Variants in TMEM132B observed in about 807,000 individuals in gnomAD.
TMEM132B encodes transmembrane protein 132B.
In TMEM132B, 18 loss-of-function variants were observed where a neutral mutation model predicts 90.8. The ratio of observed to expected loss-of-function variants is 0.20; its 90% CI spans 0.14 to 0.29. TMEM132B has a LOEUF of 0.29. Among genes scored for constraint, TMEM132B ranks in the 10% least tolerant of loss-of-function variants. TMEM132B has a pLI of 1.00. For missense variants in TMEM132B, 1,096 were observed against 1,326.8 expected (o/e 0.83, Z 2.70); for synonymous variants, 504 against 523.3 (o/e 0.96, Z 0.50).
intron 2 of TMEM132B, among the ~76,000 whole-genome samples, chr12:125,362,443 G>A (rs1368086550): frequency 6.6e-6 from 1 of 152,188 alleles, no homozygotes; most frequent in East Asian, 1.9e-4. Context: ...CCTGGATAAG[G>A]TATATTTCTT....
At chr12:125,216,956 G>C (rs1465244965) in intron 1 of TMEM132B, among the ~76,000 whole-genome samples, 1 of 152,230 alleles carries the variant, frequency 6.6e-6, no homozygotes, top group African/African-American at 2.4e-5. Flanking sequence ...TCACAAGCTG[G>C]AGCCGTCAGG....
chr12:125,474,041 TCC>T, intron 3 of TMEM132B, among the ~76,000 whole-genome samples: 1 of 142,780 alleles, frequency 7.0e-6, no homozygotes, highest in Admixed American at 7.0e-5. Flanking sequence ...CTTCCTTCCT[TCC>T]TTCCTTCTTT....
At chr12:125,466,029 A>G (rs961701054) in intron 3 of TMEM132B, among the ~76,000 whole-genome samples, 1 of 152,188 alleles carries the variant, frequency 6.6e-6, no homozygotes, top group African/African-American at 2.4e-5. Flanking sequence ...TTTATAAATT[A>G]CCCAGTCTCA....
chr12:125,277,643 T>C lies in TMEM132B; in HGVS notation c.68-71809T>C, dbSNP rs1369729074. 1.3e-5 allele frequency among the ~76,000 whole-genome samples: 2 copies of C among 151,774 alleles called. No homozygotes were observed. The highest frequency in any genetic ancestry group is 3.9e-4 in the East Asian group (2 of 5,178). On this transcript the variant is annotated intron_variant, in intron 1 of 8. Transcript: ENST00000682704. The surrounding 1 kb of genome is among the most constrained non-coding windows in gnomAD (Gnocchi z 4.3). ...GACCCCAGAGGCAAAGAGAAAGGCG[T>C]AGAACCTCTCCAGAGCCTTTGGAGG...
intron 2 of TMEM132B, among the ~76,000 whole-genome samples, chr12:125,401,509 AAGG>A (rs1420621508): frequency 6.6e-6 from 1 of 152,116 alleles, no homozygotes; most frequent in Non-Finnish European, 1.5e-5. Context: ...TCCAGATCTG[AAGG>A]AGATTAGGGA....
Position 125,535,687 on chromosome 12 carries a change from A to C in TMEM132B, c.1293+16062A>C, listed in dbSNP as rs371280607. 3.3e-5 allele frequency among the ~76,000 whole-genome samples: 5 copies of C among 152,314 alleles called. No homozygotes were observed. In the East Asian group the frequency reaches 9.6e-4, roughly 29 times the overall value. On this transcript the variant is annotated intron_variant, in intron 4 of 8. Transcript: ENST00000682704. ...GCTGGATTCTTTTCTGAGACAGACA[A>C]GGCAAGAGAGTATTTAGAAAAGACC...
In TMEM132B at chr12:125,392,366, CTG is replaced by C. The variant is rs376905885; in HGVS notation, c.960-23161_960-23160del. ...GCCGTATGCCAGGTCAGGCACTGTG[CTG>C]TGTCATGGAAATACATTCACTCGCT... On this transcript the variant is annotated intron_variant, in intron 2 of 8. Transcript: ENST00000682704. Among the ~76,000 whole-genome samples the C allele has an allele frequency of 2.7e-3, 417 of 152,270 alleles. 4 individuals are homozygous for C. Among genetic ancestry groups the C allele is most frequent in the African/African-American group, 9.5e-3 (393 of 41,554 alleles).
chr12:125,330,576 A>G (rs1876737849), intron 1 of TMEM132B, among the ~76,000 whole-genome samples: 1 of 152,180 alleles, frequency 6.6e-6, no homozygotes, highest in Non-Finnish European at 1.5e-5. Context: ...ATCATTTTTT[A>G]CTGTGAAATG....
In TMEM132B at chr12:125,406,741, C is replaced by A. The variant is rs1176179262; in HGVS notation, c.960-8790C>A. Among the ~76,000 whole-genome samples, 1 of 152,162 alleles carries A rather than the reference C, an allele frequency of 6.6e-6. No homozygotes were observed. The highest frequency in any genetic ancestry group is 1.9e-4 in the East Asian group (1 of 5,194). On this transcript the variant is annotated intron_variant, in intron 2 of 8. Coordinates refer to ENST00000682704, the MANE Select transcript of TMEM132B (RefSeq NM_001366854.1). The surrounding 1 kb of genome is among the most constrained non-coding windows in gnomAD (Gnocchi z 8.3). The stretch of plus-strand genomic sequence containing the variant: ...AAAGCTGGGAAGGTCTCAAGACCAC[C>A]CTCACTTCTGATGCCATCTGCAAGT...
chr12:125,318,149 A>C (rs1876335718), intron 1 of TMEM132B, among the ~76,000 whole-genome samples: 1 of 151,846 alleles, frequency 6.6e-6, no homozygotes, highest in African/African-American at 2.4e-5. Context: ...GATACAACAT[A>C]TCTTACCATA....
intron 1 of TMEM132B, among the ~76,000 whole-genome samples, chr12:125,285,733 A>G (rs771578070): frequency 6.6e-6 from 1 of 152,144 alleles, no homozygotes; most frequent in Non-Finnish European, 1.5e-5. Context: ...TAGCAACATG[A>G]GGGAGACCCC....
In TMEM132B at chr12:125,656,096, A is replaced by T. The variant is rs866948937; in HGVS notation, c.*1386A>T. ...AACAACTCCTGCATAATGTTTAAAT[A>T]AAAATGTTATTTTAATAGCATCATG... On this transcript the variant is annotated 3_prime_UTR_variant, in exon 9 of 9. Coordinates refer to ENST00000682704, the MANE Select transcript of TMEM132B (RefSeq NM_001366854.1). The T allele has an allele frequency of 6.6e-6, 1 of 152,244 alleles. No individual in the cohort carries two copies. Among genetic ancestry groups the T allele is most frequent in the South Asian group, 2.1e-4 (1 of 4,838 alleles). 9.4% of individuals were successfully genotyped at this position (152,244 alleles called of 1,614,324 possible).
chr12:125,391,600 A>C lies in TMEM132B; in HGVS notation c.960-23931A>C, dbSNP rs1177272196. On this transcript the variant is annotated intron_variant, in intron 2 of 8. Transcript: ENST00000682704. ...GGGGCCATGGGAGCCACCATGTGGGATGTCTCAGGGGCAGTCTGTGTGCGT... is the reference window on the plus strand; with the variant it reads ...GGGGCCATGGGAGCCACCATGTGGGCTGTCTCAGGGGCAGTCTGTGTGCGT... 2.0e-5 allele frequency among the ~76,000 whole-genome samples: 3 copies of C among 152,056 alleles called. No homozygotes were observed. The East Asian group carries it at 5.8e-4, about 29-fold the overall frequency.
At chr12:125,615,621 T>G (rs1342652132) in intron 5 of TMEM132B, among the ~76,000 whole-genome samples, 4 of 152,228 alleles carry the variant, frequency 2.6e-5, no homozygotes, top group African/African-American at 9.6e-5. Context: ...TCATAGTGCC[T>G]TCTTTTACTT....
chr12:125,628,054 A>G (rs568578474), intron 5 of TMEM132B, among the ~76,000 whole-genome samples: 2 of 152,272 alleles, frequency 1.3e-5, no homozygotes, highest in South Asian at 2.1e-4. Flanking sequence ...TTCTTTATCC[A>G]TTCATCTGTT....
chr12:125,607,873 A>T (rs1885734473), intron 5 of TMEM132B, among the ~76,000 whole-genome samples: 1 of 152,198 alleles, frequency 6.6e-6, no homozygotes, highest in African/African-American at 2.4e-5. Flanking sequence ...TGGTCTTTAA[A>T]GTCTGACGTT....
intron 5 of TMEM132B, among the ~76,000 whole-genome samples, chr12:125,640,769 C>T (rs1200653922): frequency 1.3e-5 from 2 of 152,096 alleles, no homozygotes; most frequent in South Asian, 2.1e-4. Context: ...GCACCCACCT[C>T]GTGGCATTAC....
chr12:125,512,436 A>G (rs1372624921), intron 3 of TMEM132B, among the ~76,000 whole-genome samples: 1 of 152,236 alleles, frequency 6.6e-6, no homozygotes, highest in Non-Finnish European at 1.5e-5. Flanking sequence ...CAGCTCAGTT[A>G]TATGAAGCTG....
intron 3 of TMEM132B, among the ~76,000 whole-genome samples, chr12:125,481,824 G>A (rs540892371): frequency 1.3e-5 from 2 of 152,258 alleles, no homozygotes; most frequent in Non-Finnish European, 2.9e-5. Flanking sequence ...AACAAAGCTG[G>A]AGGCATCGCA....
Sources: allele counts gnomAD v4.1 joint callset (sites outside exome capture counted in the v4.1 genomes callset), GRCh38; gene constraint gnomAD v4.1.1; non-coding constraint Gnocchi (gnomAD v3.1); transcripts MANE v1.5; gene names NCBI Gene and HGNC (gene_info 2026-07-23, HGNC 2026-07-21).